TRAK2: variants seen among roughly 807,000 people sequenced by gnomAD.
TRAK2 encodes trafficking kinesin-binding protein 2.
A neutral mutation model predicts 104.6 loss-of-function variants in TRAK2; 81 were observed. The ratio of observed to expected loss-of-function variants is 0.77; its 90% CI spans 0.65 to 0.93. The LOEUF is 0.93. Ranked by LOEUF, TRAK2 falls within the 40% of genes least tolerant of loss-of-function variation. The probability of loss-of-function intolerance (pLI) is 0.00; values close to 1 mark genes in which losing one functional copy is unlikely to be tolerated. For missense variants in TRAK2, 1,002 were observed against 1,089.0 expected, an observed-to-expected ratio of 0.92 and a Z score of 1.12; for synonymous variants, 406 against 394.4, an observed-to-expected ratio of 1.03 and a Z score of -0.35.
intron 2 of TRAK2, among the ~76,000 whole-genome samples, chr2:201,413,552 A>G (rs1951666867): frequency 6.6e-6 from 1 of 152,140 alleles, no homozygotes; most frequent in African/African-American, 2.4e-5. Context: ...GAGTTTTTAC[A>G]CCTAGAGATC....
intron 12 of TRAK2, among the ~76,000 whole-genome samples, chr2:201,388,653 T>A (rs1951414632): frequency 6.6e-6 from 1 of 152,254 alleles, no homozygotes; most frequent in South Asian, 2.1e-4. Flanking sequence ...GCAAGCTGAG[T>A]TGTGGGTACT....
At chr2:201,441,754 C>T (rs1951925966) in intron 1 of TRAK2, among the ~76,000 whole-genome samples, 1 of 150,348 alleles carries the variant, frequency 6.7e-6, no homozygotes, top group Non-Finnish European at 1.5e-5. Flanking sequence ...TGCAGAGGCG[C>T]GATCTCAGCT....
chr2:201,427,585 G>A (rs763522600), intron 1 of TRAK2, among the ~76,000 whole-genome samples: 1 of 152,126 alleles, frequency 6.6e-6, no homozygotes, highest in Non-Finnish European at 1.5e-5. Flanking sequence ...TAGACATTTG[G>A]GTTGGTTCCA....
intron 14 of TRAK2, among the ~76,000 whole-genome samples, chr2:201,385,807 T>C (rs1376574561): frequency 6.6e-6 from 1 of 152,220 alleles, no homozygotes; most frequent in East Asian, 1.9e-4. Context: ...AAATTAGCTA[T>C]TTTTCATTAA....
rs1951300756 is a variant in TRAK2 at position 201,377,619 on chromosome 2, T to C, written c.*2924A>G. ...GAATAGGCTCTTGTAAGCTGCCTTT[T>C]AACTTATTTCCTCCCTTGCCAAAGT... On this transcript the variant is annotated 3_prime_UTR_variant, in exon 16 of 16. Coordinates refer to ENST00000332624, the MANE Select transcript of TRAK2 (RefSeq NM_015049.3). 1 of 152,678 alleles carries C rather than the reference T, an allele frequency of 6.5e-6. No homozygotes were observed. The highest frequency in any genetic ancestry group is 1.9e-4 in the East Asian group (1 of 5,202). 9.5% of individuals were successfully genotyped at this position (152,678 alleles called of 1,614,324 possible).
intron 1 of TRAK2, among the ~76,000 whole-genome samples, chr2:201,441,366 G>T (rs1205216945): frequency 6.6e-6 from 1 of 152,192 alleles, no homozygotes; most frequent in African/African-American, 2.4e-5. Flanking sequence ...TCCACTAAGA[G>T]CATTTGCAGC....
chr2:201,414,328 A>G lies in TRAK2; in HGVS notation c.91+6089T>C, dbSNP rs565860761. Among the ~76,000 whole-genome samples, 12 of 152,334 alleles carry G rather than the reference A, an allele frequency of 7.9e-5. No homozygotes were observed. The East Asian group carries it at 2.3e-3, about 29-fold the overall frequency. ...ACATGCTTAAAATACTAGGGCTTAA[A>G]ATAGCGAAAGTACAGGATGTCATAT... On this transcript the variant is annotated intron_variant, in intron 2 of 15. Coordinates refer to ENST00000332624, the MANE Select transcript of TRAK2 (RefSeq NM_015049.3).
intron 6 of TRAK2, 123 bp downstream of exon 6, chr2:201,398,022 C>T (rs186002521): frequency 8.7e-6 from 8 of 916,258 alleles, no homozygotes; most frequent in South Asian, 3.2e-5. Flanking sequence ...TCCTTGTCCA[C>T]GACTCTCTAA....
intron 7 of TRAK2, among the ~76,000 whole-genome samples, chr2:201,396,550 G>A (rs1447036142): frequency 3.3e-5 from 5 of 152,016 alleles, no homozygotes; most frequent in African/African-American, 7.2e-5. Flanking sequence ...AATAAATACC[G>A]ATGATAAAGC....
At chr2:201,407,379 TA>T in intron 3 of TRAK2, 23 bp downstream of exon 3, 1 of 1,596,484 alleles carries the variant, frequency 6.3e-7, no homozygotes, top group Non-Finnish European at 8.5e-7. Flanking sequence ...ATGCACAAAC[TA>T]AAAGAGTAAA....
chr2:201,397,386 T>C, intron 7 of TRAK2, 116 bp downstream of exon 7: 2 of 632,532 alleles, frequency 3.2e-6, no homozygotes, highest in East Asian at 2.6e-5. Context: ...TCAGTAACCA[T>C]TTAAAATTGT....
chr2:201,447,903 G>A lies in TRAK2; in HGVS notation c.-200+3447C>T, dbSNP rs1014444320. Among the ~76,000 whole-genome samples the A allele has an allele frequency of 6.6e-5, 10 of 152,150 alleles. No individual in the cohort carries two copies. The highest frequency in any genetic ancestry group is 8.8e-5 in the Non-Finnish European group (6 of 68,028). On this transcript the variant is annotated intron_variant, in intron 1 of 15. Transcript: ENST00000332624. The surrounding 1 kb of genome is among the most constrained non-coding windows in gnomAD (Gnocchi z 4.1). ...TTTCTCTGTGCTCCCAAAGTACCTC[G>A]GCAAGCTGTGATCCCATTGCTCAAC...
chr2:201,399,087 C>T (rs1951526483), intron 5 of TRAK2, among the ~76,000 whole-genome samples: 1 of 98,536 alleles, frequency 1.0e-5, no homozygotes, highest in Admixed American at 9.8e-5. Flanking sequence ...TAAGATCACA[C>T]ACAAAGTCTA....
intron 2 of TRAK2, among the ~76,000 whole-genome samples, chr2:201,417,454 T>A (rs1449172680): frequency 6.6e-6 from 1 of 151,964 alleles, no homozygotes. Flanking sequence ...AATTCAAAAC[T>A]AAACCAACAG....
chr2:201,387,587 G>C (rs1951403184), intron 13 of TRAK2, 116 bp downstream of exon 13: 2 of 1,090,350 alleles, frequency 1.8e-6, no homozygotes, highest in Non-Finnish European at 2.6e-6. Context: ...AAGATTAAGG[G>C]ATAAAAAGAT....
chr2:201,422,508 AAG>A (rs1322321053), intron 1 of TRAK2, among the ~76,000 whole-genome samples: 1 of 152,166 alleles, frequency 6.6e-6, no homozygotes, highest in Non-Finnish European at 1.5e-5. Flanking sequence ...AATGTTTTAC[AAG>A]AGAGTTACCC....
At position 201,427,274 on chromosome 2, in the gene TRAK2, T is replaced by C. The variant is rs544864196; in HGVS notation, c.-199-6568A>G. On this transcript the variant is annotated intron_variant, in intron 1 of 15. Coordinates refer to ENST00000332624, the MANE Select transcript of TRAK2 (RefSeq NM_015049.3). The stretch of plus-strand genomic sequence containing the variant: ...GTGCCATGTTGGTGTGCTGCACCCA[T>C]TAACACATCATTTACATTAGGTATT... Among the ~76,000 whole-genome samples, 154 of 152,272 alleles carry C rather than the reference T, an allele frequency of 1.0e-3. 2 individuals carry two copies. Among genetic ancestry groups the C allele is most frequent in the African/African-American group, 3.5e-3 (147 of 41,558 alleles).
At chr2:201,423,037 CCACACACACA>C (rs142826543) in intron 1 of TRAK2, among the ~76,000 whole-genome samples, 256 of 134,230 alleles carry the variant, frequency 1.9e-3, no homozygotes, top group African/African-American at 6.1e-3. Context: ...AACACCACCA[CCACACACACA>C]CACACACACA....
At chr2:201,400,917 G>A in intron 4 of TRAK2, 101 bp downstream of exon 4, 1 of 824,364 alleles carries the variant, frequency 1.2e-6, no homozygotes, top group Non-Finnish European at 2.0e-6. Context: ...AAATAACCCA[G>A]AGCACGTACA....
Sources: gnomAD v4.1 joint callset for allele counts (sites outside exome capture counted in the v4.1 genomes callset) on GRCh38, gnomAD v4.1.1 for gene constraint, Gnocchi (gnomAD v3.1) non-coding constraint, MANE v1.5 for transcripts, NCBI Gene and HGNC (gene_info 2026-07-23, HGNC 2026-07-21) for gene names.